The following GALK2 variants were observed in gnomAD, a reference collection of about 807,000 sequenced individuals.
GALK2 encodes the protein N-acetylgalactosamine kinase.
In GALK2, 36 loss-of-function variants were observed where a neutral mutation model predicts 52.4. That is an observed-to-expected ratio of 0.69 (90% CI 0.53 to 0.91). The LOEUF (loss-of-function observed/expected upper bound fraction) is 0.91. Ranked by LOEUF, GALK2 falls within the 40% of genes least tolerant of loss-of-function variation. GALK2 has a pLI of 0.00. For synonymous variants in GALK2, 176 were observed against 199.1 expected (o/e 0.88, Z 0.98); for missense variants, 579 against 559.1 (o/e 1.04, Z -0.36).
intron 8 of GALK2, among the ~76,000 whole-genome samples, chr15:49,307,458 GA>G (rs1210831267): frequency 6.6e-6 from 1 of 152,160 alleles, no homozygotes; most frequent in Admixed American, 6.6e-5. Flanking sequence ...GATTAGAGGG[GA>G]GAGGGATACC....
At chr15:49,326,255 A>G in intron 9 of GALK2, among the ~76,000 whole-genome samples, 1 of 100,700 alleles carries the variant, frequency 9.9e-6, no homozygotes, top group South Asian at 3.5e-4. Context: ...TATGACAACC[A>G]TTTTTTTTTT....
At chr15:49,249,258 C>T (rs1039308755) in intron 5 of GALK2, among the ~76,000 whole-genome samples, 1 of 152,128 alleles carries the variant, frequency 6.6e-6, no homozygotes, top group African/African-American at 2.4e-5. Flanking sequence ...TTATGGTAGC[C>T]ATCTTGGTCA....
At chr15:49,307,458 G>C (rs2035639939) in intron 8 of GALK2, among the ~76,000 whole-genome samples, 1 of 152,160 alleles carries the variant, frequency 6.6e-6, no homozygotes, top group Non-Finnish European at 1.5e-5. Flanking sequence ...GATTAGAGGG[G>C]AGAGGGATAC....
intron 5 of GALK2, among the ~76,000 whole-genome samples, chr15:49,271,356 A>T (rs2030574135): frequency 6.6e-6 from 1 of 152,032 alleles, no homozygotes; most frequent in Non-Finnish European, 1.5e-5. Flanking sequence ...GTGTTTGCTG[A>T]CTATTCCCTC....
chr15:49,320,531 G>A (rs1341380423), intron 9 of GALK2, among the ~76,000 whole-genome samples: 1 of 152,190 alleles, frequency 6.6e-6, no homozygotes, highest in Non-Finnish European at 1.5e-5. Flanking sequence ...GTTCTCAAAC[G>A]CTAGATGTTA....
At chr15:49,242,368 C>G (rs565519442) in intron 5 of GALK2, among the ~76,000 whole-genome samples, 63 of 152,198 alleles carry the variant, frequency 4.1e-4, no homozygotes, top group African/African-American at 1.5e-3. Context: ...GCCAGAAATG[C>G]AGCAAGGCAG....
In GALK2 at chr15:49,242,865, C is replaced by A. The variant is rs535204655; in HGVS notation, c.504+3498C>A. ...TCTTTTTCTGTGTCCCTAAATTAAT[C>A]TTCTTTTCTCAAAAATCATTTCCAA... On this transcript the variant is annotated intron_variant, in intron 5 of 9. Transcript: ENST00000560031. 9.1e-4 allele frequency among the ~76,000 whole-genome samples: 138 copies of A among 152,288 alleles called. 5 individuals carry two copies. The South Asian group carries it at 0.028, about 30-fold the overall frequency.
chr15:49,287,786 T>G (rs957187839), intron 7 of GALK2, among the ~76,000 whole-genome samples: 3 of 152,236 alleles, frequency 2.0e-5, no homozygotes, highest in Non-Finnish European at 4.4e-5. Flanking sequence ...TATTTTTCCT[T>G]TCTTCCTATT....
intron 8 of GALK2, among the ~76,000 whole-genome samples, chr15:49,307,156 G>T (rs2035609481): frequency 6.6e-6 from 1 of 152,170 alleles, no homozygotes; most frequent in Non-Finnish European, 1.5e-5. Context: ...GGGGATTGCA[G>T]AATCGGACTG....
chr15:49,355,053 CA>C (rs1421023281), intron 3 of GALK2, among the ~76,000 whole-genome samples: 1 of 150,978 alleles, frequency 6.6e-6, no homozygotes, highest in African/African-American at 2.5e-5. Flanking sequence ...GGAAAACTAA[CA>C]AACAGAAAGG....
At chr15:49,187,579 GA>G (rs2086448872) in intron 1 of GALK2, among the ~76,000 whole-genome samples, 1 of 152,152 alleles carries the variant, frequency 6.6e-6, no homozygotes, top group Non-Finnish European at 1.5e-5. Flanking sequence ...ATAGAGTAAG[GA>G]ACCTTAGGAA....
intron 3 of GALK2, among the ~76,000 whole-genome samples, chr15:49,354,426 T>G (rs1361238329): frequency 6.6e-6 from 1 of 152,168 alleles, no homozygotes; most frequent in Non-Finnish European, 1.5e-5. Context: ...AGGCATTGCC[T>G]CACTTGGGAA....
intron 3 of GALK2, chr15:49,366,110 A>C: frequency 3.2e-6 from 3 of 947,966 alleles, no homozygotes; most frequent in South Asian, 1.3e-5. Context: ...CAATTCAACT[A>C]GTCCACTCCA....
chr15:49,199,529 C>T (rs952449938), intron 1 of GALK2, among the ~76,000 whole-genome samples: 6 of 152,176 alleles, frequency 3.9e-5, no homozygotes, highest in African/African-American at 1.4e-4. Context: ...GGAGTAAACA[C>T]AAGTGACCAT....
intron 5 of GALK2, among the ~76,000 whole-genome samples, chr15:49,261,231 CTT>C (rs1453803687): frequency 6.7e-6 from 1 of 148,620 alleles, no homozygotes; most frequent in Admixed American, 6.7e-5. Flanking sequence ...TTTGTATCCT[CTT>C]TTATTTCCTT....
At chr15:49,358,534 T>C (rs1306816528) in intron 3 of GALK2, among the ~76,000 whole-genome samples, 1 of 148,758 alleles carries the variant, frequency 6.7e-6, no homozygotes, top group East Asian at 2.0e-4. Context: ...TTACAAGGGA[T>C]ATGAAGGACC....
At chr15:49,156,633 TA>T in intron 1 of GALK2, 2 of 521,788 alleles carry the variant, frequency 3.8e-6, no homozygotes, top group Non-Finnish European at 3.8e-6. Flanking sequence ...TTTGATATGA[TA>T]AATATTAAGA....
intron 3 of GALK2, among the ~76,000 whole-genome samples, chr15:49,350,768 AAT>A (rs2042125823): frequency 6.6e-6 from 1 of 152,162 alleles, no homozygotes. Context: ...CTCCAAGGTG[AAT>A]ATGACTTTTC....
chr15:49,259,563 C>A (rs1157591220), intron 5 of GALK2, among the ~76,000 whole-genome samples: 13 of 146,148 alleles, frequency 8.9e-5, no homozygotes, highest in Admixed American at 8.3e-4. Context: ...TGTATATGTG[C>A]CACATTTTCT....
Sources: allele counts gnomAD v4.1 joint callset (sites outside exome capture counted in the v4.1 genomes callset), GRCh38; gene constraint gnomAD v4.1.1; transcripts MANE v1.5; gene names NCBI Gene and HGNC (gene_info 2026-07-23, HGNC 2026-07-21).